The following SERTAD2 variants were observed in gnomAD, a reference collection of about 807,000 sequenced individuals.
SERTAD2 encodes SERTA domain containing 2.
SERTAD2 carries 2 observed loss-of-function variants against 15.4 expected under a neutral mutation model. The ratio of observed to expected loss-of-function variants is 0.13; its 90% CI spans 0.05 to 0.41. The LOEUF (loss-of-function observed/expected upper bound fraction) is 0.41. Among genes scored for constraint, SERTAD2 ranks in the 10% least tolerant of loss-of-function variants. SERTAD2 has a pLI of 0.99. For missense variants in SERTAD2, 333 were observed against 409.7 expected (o/e 0.81, Z 1.62); for synonymous variants, 180 against 178.0 (o/e 1.01, Z -0.09).
At position 64,632,477 on chromosome 2, in the gene SERTAD2, G is replaced by A. The variant is rs1009240619; in HGVS notation, c.*3450C>T. The stretch of plus-strand genomic sequence containing the variant: ...AAAAGCTCAATTGGTAAAGACACTC[G>A]AGAGGTGCAGAGGAGGCTCTGGCCA... On this transcript the variant is annotated 3_prime_UTR_variant, in exon 2 of 2. Transcript: ENST00000313349. The A allele has an allele frequency of 2.6e-5, 4 of 152,688 alleles. No homozygotes were observed. The highest frequency in any genetic ancestry group is 1.9e-4 in the East Asian group (1 of 5,178). 9.5% of individuals were successfully genotyped at this position (152,688 alleles called of 1,614,324 possible). A position where few individuals can be genotyped will look rare whatever the true frequency, so the allele number is the denominator to read the frequency against.
In SERTAD2 at chr2:64,633,663, A is replaced by C. The variant is rs1439313047; in HGVS notation, c.*2264T>G. 1 of 152,242 alleles carries C rather than the reference A, an allele frequency of 6.6e-6. No homozygotes were observed. Among genetic ancestry groups the C allele is most frequent in the Admixed American group, 6.5e-5 (1 of 15,292 alleles). 9.4% of individuals were successfully genotyped at this position (152,242 alleles called of 1,614,324 possible). On this transcript the variant is annotated 3_prime_UTR_variant, in exon 2 of 2. Transcript: ENST00000313349. ...AGGGAAGCTCTTAAAATTAACAGGC[A>C]TACTGACACTGGAAGCATCTACTAC...
intron 1 of SERTAD2, chr2:64,646,314 CA>C (rs1674900579): frequency 6.6e-6 from 1 of 151,968 alleles, no homozygotes; most frequent in Admixed American, 6.6e-5. Context: ...CACAGCACGC[CA>C]ATACATATTT....
chr2:64,653,260 A>C (rs957608191), intron 1 of SERTAD2, among the ~76,000 whole-genome samples: 17 of 152,296 alleles, frequency 1.1e-4, no homozygotes, highest in African/African-American at 3.4e-4. Flanking sequence ...GCACGTTCAC[A>C]ACAACACAAC....
Position 64,636,398 on chromosome 2 carries a change from T to C in SERTAD2, c.474A>G (p.Ser158=). 6.2e-7 allele frequency: 1 copy of C among 1,614,034 alleles called. No homozygotes were observed. The highest frequency in any genetic ancestry group is 8.5e-7 in the Non-Finnish European group (1 of 1,180,000). ...AMQPTAPTKL[S]PPALLPEKDS... Reference sequence around the variant, plus strand: ...CCTTTTCTGGCAAGAGGGCTGGAGGTGACAGTTTGGTGGGAGCCGTGGGCT... The same window carrying C: ...CCTTTTCTGGCAAGAGGGCTGGAGGCGACAGTTTGGTGGGAGCCGTGGGCT... Residue 158 remains serine, a synonymous_variant, in exon 2 of 2, where the codon TCA becomes TCG. Coordinates refer to ENST00000313349, the MANE Select transcript of SERTAD2 (RefSeq NM_014755.3).
In SERTAD2 at chr2:64,634,494, A is replaced by G. The variant is rs575542902; in HGVS notation, c.*1433T>C. The G allele has an allele frequency of 2.0e-5, 3 of 152,344 alleles. No homozygotes were observed. Among genetic ancestry groups the G allele is most frequent in the Non-Finnish European group, 2.9e-5 (2 of 68,030 alleles). 9.4% of individuals were successfully genotyped at this position (152,344 alleles called of 1,614,324 possible). A position where few individuals can be genotyped will look rare whatever the true frequency, so the allele number is the denominator to read the frequency against. On this transcript the variant is annotated 3_prime_UTR_variant, in exon 2 of 2. Transcript: ENST00000313349. ...TGACTCAGGAAAGCAACCAGATGGG[A>G]AGCTGTGACGTAATGTGATGAACTC...
intron 1 of SERTAD2, among the ~76,000 whole-genome samples, chr2:64,651,966 T>A (rs940299575): frequency 2.6e-5 from 4 of 151,976 alleles, no homozygotes; most frequent in Admixed American, 2.0e-4. Flanking sequence ...GTTATGTATA[T>A]TTTAATTAGG....
chr2:64,646,771 A>C (rs1225067270), intron 1 of SERTAD2: 2 of 152,168 alleles, frequency 1.3e-5, no homozygotes, highest in African/African-American at 4.8e-5. Context: ...TATTTCAAAA[A>C]CCATGGTTAA....
Position 64,636,322 on chromosome 2 carries a change from T to C in SERTAD2, c.550A>G (p.Thr184Ala), listed in dbSNP as rs778765238. The change falls in exon 2 of 2, where the codon ACC (threonine) becomes GCC (alanine). Residue 184 changes from threonine to alanine, a missense_variant. Physicochemically the swap from Thr to Ala is moderately conservative, Grantham distance 58 (BLOSUM62 0). Coordinates refer to ENST00000313349, the MANE Select transcript of SERTAD2 (RefSeq NM_014755.3). ...DEIEELCPTS[T>A]STEAATAATD... ...GCAGCCGTGGCCGCCTCTGTGGAGG[T>C]AGATGTGGGACAGAGCTCCTCGATC... is the stretch of plus-strand genomic sequence containing the variant. 3.1e-6 allele frequency: 5 copies of C among 1,613,692 alleles called. No homozygotes were observed. The highest frequency in any genetic ancestry group is 1.3e-5 in the African/African-American group (1 of 74,766).
intron 1 of SERTAD2, among the ~76,000 whole-genome samples, chr2:64,641,011 T>G (rs1170449986): frequency 6.6e-6 from 1 of 152,214 alleles, no homozygotes; most frequent in African/African-American, 2.4e-5. Context: ...CATTCTGGTT[T>G]TCTAAACATT....
chr2:64,636,418 T>G lies in SERTAD2; in HGVS notation c.454A>C (p.Thr152Pro). Residue 152 changes from threonine to proline, a missense_variant, in exon 2 of 2, where the codon ACG (threonine) becomes CCG (proline). Thr to Pro is a conservative substitution (Grantham distance 38, BLOSUM62 -1). Transcript: ENST00000313349. ...GGAGGTGACAGTTTGGTGGGAGCCG[T>G]GGGCTGCATGGCCTGGGAGGTGCAA... Reference protein sequence around the residue: ...TFCTSQAMQPTAPTKLSPPAL... With the variant: ...TFCTSQAMQPPAPTKLSPPAL... 1 of 1,614,186 alleles carries G rather than the reference T, an allele frequency of 6.2e-7. No homozygotes were observed. The highest frequency in any genetic ancestry group is 8.5e-7 in the Non-Finnish European group (1 of 1,180,022).
intron 1 of SERTAD2, chr2:64,646,687 T>G (rs1486422163): frequency 6.6e-6 from 1 of 152,224 alleles, no homozygotes; most frequent in Non-Finnish European, 1.5e-5. Flanking sequence ...TAAATTAAAT[T>G]ATGGTACGGT....
At chr2:64,643,148 G>A (rs75367534) in intron 1 of SERTAD2, among the ~76,000 whole-genome samples, 2,223 of 152,288 alleles carry the variant, frequency 0.015, 54 homozygotes, top group African/African-American at 0.051. Flanking sequence ...GGGGACAGAC[G>A]GGGAACTCAG....
intron 1 of SERTAD2, among the ~76,000 whole-genome samples, chr2:64,645,949 A>G (rs1674891956): frequency 6.6e-6 from 1 of 152,234 alleles, no homozygotes; most frequent in South Asian, 2.1e-4. Flanking sequence ...TGATTTAAAA[A>G]AAAATTAGAA....
rs1157965135 is a variant in SERTAD2 at position 64,635,912 on chromosome 2, C to T, written c.*15G>A. 6.3e-6 allele frequency: 10 copies of T among 1,591,882 alleles called. No homozygotes were observed. Among genetic ancestry groups the T allele is most frequent in the Non-Finnish European group, 6.9e-6 (8 of 1,161,232 alleles). ...TCTGGGGTCTGGGTGGGCATAGTCG[C>T]TGGGTCCCTGGGTCTTAGGACCCAA... is the stretch of plus-strand genomic sequence containing the variant. On this transcript the variant is annotated 3_prime_UTR_variant, in exon 2 of 2. Coordinates refer to ENST00000313349, the MANE Select transcript of SERTAD2 (RefSeq NM_014755.3).
chr2:64,635,913 T>C lies in SERTAD2; in HGVS notation c.*14A>G. ...CTGGGGTCTGGGTGGGCATAGTCGC[T>C]GGGTCCCTGGGTCTTAGGACCCAAC... On this transcript the variant is annotated 3_prime_UTR_variant, in exon 2 of 2. Transcript: ENST00000313349. The C allele has an allele frequency of 6.3e-7, 1 of 1,596,928 alleles. No individual in the cohort carries two copies. The highest frequency in any genetic ancestry group is 8.6e-7 in the Non-Finnish European group (1 of 1,165,814).
At chr2:64,650,523 G>A (rs1674987058) in intron 1 of SERTAD2, among the ~76,000 whole-genome samples, 1 of 152,104 alleles carries the variant, frequency 6.6e-6, no homozygotes, top group South Asian at 2.1e-4. Flanking sequence ...ACGCTCCAGG[G>A]GACAGTTCTG....
At chr2:64,641,992 C>T (rs753949300) in intron 1 of SERTAD2, among the ~76,000 whole-genome samples, 2 of 152,226 alleles carry the variant, frequency 1.3e-5, no homozygotes, top group Non-Finnish European at 2.9e-5. Flanking sequence ...TGATGCTGGT[C>T]TGGGAACCTC....
chr2:64,638,369 T>C (rs895780087), intron 1 of SERTAD2, among the ~76,000 whole-genome samples: 2 of 152,260 alleles, frequency 1.3e-5, no homozygotes, highest in African/African-American at 4.8e-5. Flanking sequence ...AGAGGCTAAA[T>C]AGCCCCTCCT....
At position 64,632,138 on chromosome 2, in the gene SERTAD2, T is replaced by C. The variant is rs1674546105; in HGVS notation, c.*3789A>G. On this transcript the variant is annotated 3_prime_UTR_variant, in exon 2 of 2. Coordinates refer to ENST00000313349, the MANE Select transcript of SERTAD2 (RefSeq NM_014755.3). ...TACAGCCAGAAAAGGTTAAATATAC[T>C]CTTTTCATTGTTTTCAGAAAATGTA... 6.6e-6 allele frequency: 1 copy of C among 152,582 alleles called. No homozygotes were observed. Among genetic ancestry groups the C allele is most frequent in the Non-Finnish European group, 1.5e-5 (1 of 68,030 alleles). 9.5% of individuals were successfully genotyped at this position (152,582 alleles called of 1,614,324 possible). A position where few individuals can be genotyped will look rare whatever the true frequency, so the allele number is the denominator to read the frequency against.
Sources: gnomAD v4.1 joint callset for allele counts (sites outside exome capture counted in the v4.1 genomes callset) on GRCh38, gnomAD v4.1.1 for gene constraint, MANE v1.5 for transcripts, NCBI Gene and HGNC (gene_info 2026-07-23, HGNC 2026-07-21) for gene names.